Variants in PLXNA2 observed in about 807,000 individuals in gnomAD.
PLXNA2 encodes the protein plexin-A2.
A neutral mutation model predicts 193.5 loss-of-function variants in PLXNA2; 91 were observed. The observed-to-expected ratio is 0.47, with a 90% confidence interval of 0.40 to 0.56. PLXNA2 has a LOEUF of 0.56. Ranked by LOEUF, PLXNA2 falls within the 20% of genes least tolerant of loss-of-function variation. The pLI is 0.00. For synonymous variants in PLXNA2, 997 were observed against 1,027.3 expected (o/e 0.97, Z 0.56); for missense variants, 1,995 against 2,503.2 (o/e 0.80, Z 4.33).
intron 1 of PLXNA2, among the ~76,000 whole-genome samples, chr1:208,219,423 T>G (rs1671247687): frequency 6.6e-6 from 1 of 152,150 alleles, no homozygotes; most frequent in Non-Finnish European, 1.5e-5. Context: ...CAGCGAGCTG[T>G]CCGGCAGAGA....
At position 208,082,619 on chromosome 1, in the gene PLXNA2, A is replaced by C. The variant is rs545242900; in HGVS notation, c.2299-111T>G. On this transcript the variant is annotated intron_variant, in intron 10 of 31. Coordinates refer to ENST00000367033, the MANE Select transcript of PLXNA2 (RefSeq NM_025179.4). The surrounding 1 kb of genome is among the most constrained non-coding windows in gnomAD (Gnocchi z 4.2). ...AGATTATTATGACGCTCTTTCCCTG[A>C]ATCCCAGTCACTAATGCCAAGAGAA... The C allele has an allele frequency of 1.5e-3, 1,146 of 782,198 alleles. 14 individuals carry two copies. Among genetic ancestry groups the C allele is most frequent in the Middle Eastern group, 5.4e-3 (17 of 3,122 alleles). The allele number at this position is 782,198 out of a possible 1,614,324, so 48.5% of individuals were successfully genotyped here.
At chr1:208,182,396 G>A (rs1669872839) in intron 3 of PLXNA2, among the ~76,000 whole-genome samples, 2 of 152,242 alleles carry the variant, frequency 1.3e-5, no homozygotes, top group South Asian at 4.1e-4. Flanking sequence ...TCGCGCCACT[G>A]CACTCCAGCC....
intron 6 of PLXNA2, among the ~76,000 whole-genome samples, chr1:208,097,266 A>G (rs1481588117): frequency 1.3e-5 from 2 of 152,190 alleles, no homozygotes; most frequent in African/African-American, 2.4e-5. Flanking sequence ...CCCTTCACAG[A>G]CAAGGCCTTA....
chr1:208,126,469 G>T (rs1667979302), intron 4 of PLXNA2, among the ~76,000 whole-genome samples: 1 of 152,190 alleles, frequency 6.6e-6, no homozygotes, highest in African/African-American at 2.4e-5. Context: ...GAAAACTGAA[G>T]ATCTTTTTAA....
intron 4 of PLXNA2, among the ~76,000 whole-genome samples, chr1:208,123,717 G>A (rs1219899712): frequency 6.6e-6 from 1 of 152,166 alleles, no homozygotes; most frequent in East Asian, 1.9e-4. Flanking sequence ...TATGTTTAAA[G>A]TAATTTTATA....
At chr1:208,239,248 C>T (rs1671969358) in intron 1 of PLXNA2, among the ~76,000 whole-genome samples, 2 of 152,144 alleles carry the variant, frequency 1.3e-5, no homozygotes, top group South Asian at 4.2e-4. Flanking sequence ...TTCGGCTTCT[C>T]AGTTCAGCCC....
intron 4 of PLXNA2, among the ~76,000 whole-genome samples, chr1:208,131,738 A>T (rs1212555376): frequency 6.6e-6 from 1 of 152,176 alleles, no homozygotes; most frequent in African/African-American, 2.4e-5. Context: ...GCCCTCCTTG[A>T]AAAGGTTTTT....
At chr1:208,083,955 G>C (rs1264038700) in intron 10 of PLXNA2, among the ~76,000 whole-genome samples, 1 of 152,002 alleles carries the variant, frequency 6.6e-6, no homozygotes, top group Non-Finnish European at 1.5e-5. Flanking sequence ...GACTCGCTCT[G>C]GTTCAAGTTT....
intron 3 of PLXNA2, among the ~76,000 whole-genome samples, chr1:208,148,871 T>A (rs1668673970): frequency 6.6e-6 from 1 of 152,166 alleles, no homozygotes; most frequent in Non-Finnish European, 1.5e-5. Flanking sequence ...AGTGGAAATG[T>A]GGGTTCTTTG....
chr1:208,231,901 T>C (rs1293811520), intron 1 of PLXNA2, among the ~76,000 whole-genome samples: 1 of 152,214 alleles, frequency 6.6e-6, no homozygotes, highest in Non-Finnish European at 1.5e-5. Context: ...AAGAGATCAC[T>C]TACTCAAGAG....
At chr1:208,128,032 T>C (rs752663214) in intron 4 of PLXNA2, among the ~76,000 whole-genome samples, 1 of 151,992 alleles carries the variant, frequency 6.6e-6, no homozygotes, top group Non-Finnish European at 1.5e-5. Context: ...CACTGGCTGA[T>C]GGAGGGCTGG....
chr1:208,180,305 C>T (rs1302721984), intron 3 of PLXNA2, among the ~76,000 whole-genome samples: 2 of 151,866 alleles, frequency 1.3e-5, no homozygotes, highest in Non-Finnish European at 2.9e-5. Context: ...GCAGAAGAAA[C>T]GCCTCTGCAT....
intron 4 of PLXNA2, among the ~76,000 whole-genome samples, chr1:208,131,035 G>A (rs1411832783): frequency 1.3e-5 from 2 of 152,212 alleles, no homozygotes; most frequent in African/African-American, 4.8e-5. Context: ...AGGCCTGAGA[G>A]GAGCTGTTCA....
chr1:208,205,179 A>G lies in PLXNA2; in HGVS notation c.1371+5101T>C, dbSNP rs193196869. 1.1e-4 allele frequency among the ~76,000 whole-genome samples: 17 copies of G among 152,198 alleles called. No individual in the cohort carries two copies. In the East Asian group the frequency reaches 3.1e-3, roughly 28 times the overall value. ...TCTTTTGCCCCATGGCATGAGCTTG[A>G]TTTGCCTCCTGTCTCCGCCCTGAAA... On this transcript the variant is annotated intron_variant, in intron 3 of 31. Coordinates refer to ENST00000367033, the MANE Select transcript of PLXNA2 (RefSeq NM_025179.4).
intron 17 of PLXNA2, among the ~76,000 whole-genome samples, chr1:208,048,506 C>T (rs1396811308): frequency 1.3e-5 from 2 of 152,206 alleles, no homozygotes; most frequent in East Asian, 1.9e-4. Flanking sequence ...AACTGAGGGC[C>T]CCCAGCTCCC....
intron 4 of PLXNA2, among the ~76,000 whole-genome samples, chr1:208,116,110 C>T (rs1017161010): frequency 2.0e-5 from 3 of 152,168 alleles, no homozygotes; most frequent in Non-Finnish European, 1.5e-5. Flanking sequence ...TGCCTTTGCT[C>T]ATACATTCCT....
At chr1:208,066,284 T>G (rs1357802943) in intron 12 of PLXNA2, among the ~76,000 whole-genome samples, 1 of 152,204 alleles carries the variant, frequency 6.6e-6, no homozygotes, top group East Asian at 1.9e-4. Context: ...GCTGTTGGGT[T>G]GGGGCGAAAG....
intron 3 of PLXNA2, among the ~76,000 whole-genome samples, chr1:208,198,052 C>G (rs1670415747): frequency 6.6e-6 from 1 of 152,078 alleles, no homozygotes; most frequent in South Asian, 2.1e-4. Flanking sequence ...AGCTCAGGGC[C>G]CTATTAATAG....
At chr1:208,131,767 G>A (rs1342636433) in intron 4 of PLXNA2, among the ~76,000 whole-genome samples, 1 of 152,190 alleles carries the variant, frequency 6.6e-6, no homozygotes, top group African/African-American at 2.4e-5. Context: ...AGACCGACGA[G>A]CTTTGGATGG....
Sources: allele counts gnomAD v4.1 joint callset (sites outside exome capture counted in the v4.1 genomes callset), GRCh38; gene constraint gnomAD v4.1.1; non-coding constraint Gnocchi (gnomAD v3.1); transcripts MANE v1.5; gene names NCBI Gene and HGNC (gene_info 2026-07-23, HGNC 2026-07-21).